COL23A1: variants seen among roughly 807,000 people sequenced by gnomAD.
The protein encoded by COL23A1 is collagen type XXIII alpha 1 chain.
In COL23A1, 97 loss-of-function variants were observed where a neutral mutation model predicts 99.3. The ratio of observed to expected loss-of-function variants is 0.98; its 90% CI spans 0.83 to 1.16. The LOEUF is 1.16. Ranked by LOEUF, COL23A1 falls within the 50% of genes most tolerant of loss-of-function variation. COL23A1 has a pLI of 0.00. For missense variants in COL23A1, 762 were observed against 757.4 expected (o/e 1.01, Z -0.07); for synonymous variants, 320 against 308.2 (o/e 1.04, Z -0.40).
At chr5:178,358,464 TGTATGTGCGTATGC>T (rs1267678333) in intron 2 of COL23A1, among the ~76,000 whole-genome samples, 1 of 150,420 alleles carries the variant, frequency 6.6e-6, no homozygotes, top group Non-Finnish European at 1.5e-5. Context: ...TATGCGTATG[TGTATGTGCGTATGC>T]GTATATATGT....
rs1022412761 is a variant in COL23A1 at position 178,307,803 on chromosome 5, C to T, written c.362-884G>A. 6.6e-6 allele frequency among the ~76,000 whole-genome samples: 1 copy of T among 152,198 alleles called. No individual in the cohort carries two copies. The highest frequency in any genetic ancestry group is 1.5e-5 in the Non-Finnish European group (1 of 68,028). ...TGCAATGTGTAAATGGCATTTGATACGTCTTGCTCACCCACTGTATGCCAG... is the reference window on the plus strand; with the variant it reads ...TGCAATGTGTAAATGGCATTTGATATGTCTTGCTCACCCACTGTATGCCAG... On this transcript the variant is annotated intron_variant, in intron 2 of 28. Coordinates refer to ENST00000390654, the MANE Select transcript of COL23A1 (RefSeq NM_173465.4). The surrounding 1 kb of genome is among the most constrained non-coding windows in gnomAD (Gnocchi z 4.2).
chr5:178,573,138 T>C (rs1300313032), intron 1 of COL23A1, among the ~76,000 whole-genome samples: 1 of 152,194 alleles, frequency 6.6e-6, no homozygotes, highest in Non-Finnish European at 1.5e-5. Flanking sequence ...GAGGGTTTCA[T>C]AGTTGTGCAC....
chr5:178,408,481 G>A (rs190443832), intron 2 of COL23A1, among the ~76,000 whole-genome samples: 9 of 152,226 alleles, frequency 5.9e-5, no homozygotes, highest in African/African-American at 9.6e-5. Flanking sequence ...TTAGAACACC[G>A]TCTAGTGTGG....
chr5:178,430,291 C>A (rs1383228142), intron 2 of COL23A1, among the ~76,000 whole-genome samples: 3 of 152,162 alleles, frequency 2.0e-5, no homozygotes, highest in Admixed American at 2.0e-4. Flanking sequence ...TTCACTGGGG[C>A]CCCAGGTTCC....
chr5:178,335,002 G>T (rs1010010708), intron 2 of COL23A1, among the ~76,000 whole-genome samples: 9 of 152,228 alleles, frequency 5.9e-5, no homozygotes, highest in African/African-American at 1.9e-4. Flanking sequence ...GGCACGAAGG[G>T]TTTCCTCCAT....
chr5:178,256,279 G>C, intron 15 of COL23A1, 74 bp downstream of exon 15: 17 of 1,118,838 alleles, frequency 1.5e-5, no homozygotes, highest in Non-Finnish European at 2.1e-5. Flanking sequence ...GGTCTCTGTG[G>C]GGACAGGGGC....
At chr5:178,286,525 C>T (rs756432210) in intron 5 of COL23A1, among the ~76,000 whole-genome samples, 6 of 152,218 alleles carry the variant, frequency 3.9e-5, no homozygotes, top group Non-Finnish European at 5.9e-5. Flanking sequence ...ACAGCAGCCC[C>T]GGGTTTGGCC....
intron 2 of COL23A1, among the ~76,000 whole-genome samples, chr5:178,492,108 T>C (rs1757964837): frequency 1.3e-5 from 2 of 152,238 alleles, no homozygotes; most frequent in Admixed American, 6.5e-5. Flanking sequence ...TAATTTTGAA[T>C]TGAAGAAGCA....
rs1025502764 is a variant in COL23A1 at position 178,280,130 on chromosome 5, A to G, written c.441+8194T>C. On this transcript the variant is annotated intron_variant, in intron 5 of 28. Transcript: ENST00000390654. The surrounding 1 kb of genome is among the most constrained non-coding windows in gnomAD (Gnocchi z 4.9). ...ATCCTGCTGGCTCTCGTGCCCGGCC[A>G]GGGAACACTAGAGGGCGCGCTTGAC... 1.3e-5 allele frequency among the ~76,000 whole-genome samples: 2 copies of G among 152,258 alleles called. No homozygotes were observed. The highest frequency in any genetic ancestry group is 4.8e-5 in the African/African-American group (2 of 41,466).
chr5:178,358,248 G>GTATGTGTATGTATA (rs796141502), intron 2 of COL23A1, among the ~76,000 whole-genome samples: 1,999 of 125,718 alleles, frequency 0.016, 69 homozygotes, highest in African/African-American at 0.055. Flanking sequence ...GTATGTGTAT[G>GTATGTGTATGTATA]TGTGTGTATG....
chr5:178,295,905 C>T (rs1228522140), intron 3 of COL23A1, among the ~76,000 whole-genome samples: 1 of 152,172 alleles, frequency 6.6e-6, no homozygotes. Context: ...TTTGTATAAA[C>T]AGGACATCTC....
intron 2 of COL23A1, among the ~76,000 whole-genome samples, chr5:178,524,019 G>T (rs1760168598): frequency 6.6e-6 from 1 of 152,162 alleles, no homozygotes; most frequent in Non-Finnish European, 1.5e-5. Flanking sequence ...GCGTCTGCGG[G>T]GACACTGGTT....
intron 5 of COL23A1, among the ~76,000 whole-genome samples, chr5:178,274,590 C>T (rs1756482284): frequency 6.6e-6 from 1 of 152,174 alleles, no homozygotes; most frequent in Non-Finnish European, 1.5e-5. Flanking sequence ...GGGGGGTCTC[C>T]CCTATCTAGG....
chr5:178,247,935 C>T, intron 20 of COL23A1, 104 bp from the exon 21 acceptor site: 3 of 1,049,702 alleles, frequency 2.9e-6, no homozygotes, highest in East Asian at 2.6e-5. Context: ...CCTTCCTGCC[C>T]CCCAGAGGGC....
chr5:178,423,444 C>T (rs945895444), intron 2 of COL23A1, among the ~76,000 whole-genome samples: 1 of 152,188 alleles, frequency 6.6e-6, no homozygotes, highest in Non-Finnish European at 1.5e-5. Flanking sequence ...TTACAGGAGA[C>T]ATTCCACACT....
intron 2 of COL23A1, among the ~76,000 whole-genome samples, chr5:178,319,857 C>T (rs1413536945): frequency 3.3e-5 from 5 of 151,760 alleles, no homozygotes; most frequent in African/African-American, 1.2e-4. Flanking sequence ...CGGGTCACTC[C>T]GAGGGCATCT....
chr5:178,483,245 A>G (rs1199298606), intron 2 of COL23A1, among the ~76,000 whole-genome samples: 3 of 152,186 alleles, frequency 2.0e-5, no homozygotes, highest in African/African-American at 7.2e-5. Context: ...AGTTCTTCAA[A>G]TGAGTCCCTT....
chr5:178,460,988 C>T (rs894429481), intron 2 of COL23A1, among the ~76,000 whole-genome samples: 9 of 152,148 alleles, frequency 5.9e-5, no homozygotes, highest in African/African-American at 1.7e-4. Flanking sequence ...AGCATAAACT[C>T]CCATGGGAAA....
intron 2 of COL23A1, among the ~76,000 whole-genome samples, chr5:178,527,360 A>G (rs1255557977): frequency 2.0e-5 from 3 of 152,080 alleles, no homozygotes; most frequent in East Asian, 3.9e-4. Flanking sequence ...CTGACTTTCT[A>G]TGTGAAGAGC....
Sources: allele counts gnomAD v4.1 joint callset (sites outside exome capture counted in the v4.1 genomes callset), GRCh38; gene constraint gnomAD v4.1.1; non-coding constraint Gnocchi (gnomAD v3.1); transcripts MANE v1.5; gene names NCBI Gene and HGNC (gene_info 2026-07-23, HGNC 2026-07-21).